Variants in VAT1L observed in about 807,000 individuals in gnomAD.
VAT1L encodes vesicle amine transport 1 like.
Under a neutral mutation model 44.1 loss-of-function variants are expected in VAT1L, and 34 were observed. That is an observed-to-expected ratio of 0.77 (90% CI 0.59 to 1.03). The LOEUF is 1.03. Ranked by LOEUF, VAT1L falls within the 50% of genes least tolerant of loss-of-function variation. The probability of loss-of-function intolerance (pLI) is 0.00; values close to 1 mark genes in which losing one functional copy is unlikely to be tolerated. For synonymous variants in VAT1L, 253 were observed against 202.2 expected, an observed-to-expected ratio of 1.25 and a Z score of -2.13; for missense variants, 615 against 538.8, an observed-to-expected ratio of 1.14 and a Z score of -1.40.
At chr16:77,833,505 C>A (rs953255726) in intron 3 of VAT1L, among the ~76,000 whole-genome samples, 10 of 151,686 alleles carry the variant, frequency 6.6e-5, no homozygotes, top group African/African-American at 2.4e-4. Flanking sequence ...GTAATCCCAA[C>A]ACTTTGGGAG....
Position 77,826,688 on chromosome 16 carries a change from G to C in VAT1L, c.579+1227G>C, listed in dbSNP as rs530548474. 2.6e-5 allele frequency among the ~76,000 whole-genome samples: 4 copies of C among 152,262 alleles called. No individual in the cohort carries two copies. The East Asian group carries it at 7.7e-4, about 29-fold the overall frequency. On this transcript the variant is annotated intron_variant, in intron 3 of 8. Transcript: ENST00000302536. Reference sequence around the variant, plus strand: ...CATGGCAAGCACTATGTCTGTCATTGGTCTACTGGGGTCTGGGTGGAACGT... The same window carrying C: ...CATGGCAAGCACTATGTCTGTCATTCGTCTACTGGGGTCTGGGTGGAACGT...
chr16:77,913,866 G>T (rs1009795104), intron 7 of VAT1L, among the ~76,000 whole-genome samples: 7 of 152,196 alleles, frequency 4.6e-5, no homozygotes, highest in Admixed American at 2.0e-4. Context: ...TAGGGGAGGT[G>T]AAAGAGCCAG....
At chr16:77,834,872 T>A (rs1323957959) in intron 3 of VAT1L, among the ~76,000 whole-genome samples, 2 of 152,194 alleles carry the variant, frequency 1.3e-5, no homozygotes, top group Non-Finnish European at 2.9e-5. Flanking sequence ...ACTTCTCAGT[T>A]TGCTCATTCA....
chr16:77,937,138 C>G (rs982471708), intron 7 of VAT1L, among the ~76,000 whole-genome samples: 1 of 152,160 alleles, frequency 6.6e-6, no homozygotes, highest in African/African-American at 2.4e-5. Context: ...ACCTCGGCCT[C>G]CCAAAGTGCT....
At chr16:77,964,817 G>T (rs1234362248) in intron 7 of VAT1L, among the ~76,000 whole-genome samples, 1 of 100,796 alleles carries the variant, frequency 9.9e-6, no homozygotes, top group Non-Finnish European at 1.9e-5. Flanking sequence ...TTTTTAGATG[G>T]AGTTTCGCCC....
At chr16:77,828,289 T>G (rs993251858) in intron 3 of VAT1L, among the ~76,000 whole-genome samples, 2 of 152,222 alleles carry the variant, frequency 1.3e-5, no homozygotes, top group Non-Finnish European at 2.9e-5. Context: ...TTTACAGGTA[T>G]GACTAAAGTA....
At chr16:77,838,520 A>G (rs1435319262) in intron 3 of VAT1L, among the ~76,000 whole-genome samples, 1 of 151,886 alleles carries the variant, frequency 6.6e-6, no homozygotes, top group Non-Finnish European at 1.5e-5. Context: ...CCTGCTCTCA[A>G]CATGCCTGGG....
intron 3 of VAT1L, among the ~76,000 whole-genome samples, chr16:77,851,340 A>G (rs1349352516): frequency 6.6e-6 from 1 of 152,196 alleles, no homozygotes; most frequent in Non-Finnish European, 1.5e-5. Context: ...GGAATGATAC[A>G]GTCTTTAGAG....
intron 7 of VAT1L, among the ~76,000 whole-genome samples, chr16:77,951,504 C>T (rs572557330): frequency 2.6e-5 from 4 of 152,266 alleles, no homozygotes; most frequent in Non-Finnish European, 2.9e-5. Context: ...CGAGATTGCG[C>T]CACCGCACTC....
intron 4 of VAT1L, among the ~76,000 whole-genome samples, chr16:77,870,585 T>A (rs543787705): frequency 2.0e-5 from 3 of 152,282 alleles, no homozygotes; most frequent in African/African-American, 7.2e-5. Context: ...AGGACAGACA[T>A]GAAGGTCTTG....
intron 7 of VAT1L, among the ~76,000 whole-genome samples, chr16:77,897,618 C>T (rs1392092130): frequency 1.3e-5 from 2 of 152,080 alleles, no homozygotes; most frequent in African/African-American, 2.4e-5. Flanking sequence ...TTACAGGCGA[C>T]GCCAGCCACC....
intron 7 of VAT1L, among the ~76,000 whole-genome samples, chr16:77,899,516 T>C (rs1029523637): frequency 2.0e-5 from 3 of 152,252 alleles, no homozygotes; most frequent in African/African-American, 7.2e-5. Context: ...AGCTGTAAAC[T>C]GCATGCTGTG....
intron 7 of VAT1L, among the ~76,000 whole-genome samples, chr16:77,931,297 T>TA (rs1359048672): frequency 6.6e-6 from 1 of 152,220 alleles, no homozygotes; most frequent in Non-Finnish European, 1.5e-5. Flanking sequence ...CTCTAGGCTT[T>TA]AACTGTATTA....
At chr16:77,800,161 C>T (rs934067187) in intron 1 of VAT1L, 2 of 152,158 alleles carry the variant, frequency 1.3e-5, no homozygotes, top group African/African-American at 4.8e-5. Flanking sequence ...TTTTACTTCT[C>T]CTTAACACAG....
At chr16:77,945,326 G>A (rs191669081) in intron 7 of VAT1L, among the ~76,000 whole-genome samples, 17 of 118,596 alleles carry the variant, frequency 1.4e-4, no homozygotes, top group African/African-American at 2.9e-4. Flanking sequence ...TCACTCTGTC[G>A]TTAATGCTGG....
At chr16:77,834,230 A>G (rs893682174) in intron 3 of VAT1L, among the ~76,000 whole-genome samples, 1 of 151,480 alleles carries the variant, frequency 6.6e-6, no homozygotes, top group African/African-American at 2.4e-5. Flanking sequence ...CTTTTCCTCT[A>G]TTTCTCCTTA....
chr16:77,932,973 C>T (rs1025433563), intron 7 of VAT1L, among the ~76,000 whole-genome samples: 1 of 152,178 alleles, frequency 6.6e-6, no homozygotes. Context: ...AATTCTCCCC[C>T]ACACATTTCA....
intron 3 of VAT1L, among the ~76,000 whole-genome samples, chr16:77,844,915 G>A (rs2016744074): frequency 6.6e-6 from 1 of 152,160 alleles, no homozygotes; most frequent in Admixed American, 6.6e-5. Flanking sequence ...CAGGCAGAGA[G>A]ACCTACTGCA....
intron 4 of VAT1L, among the ~76,000 whole-genome samples, chr16:77,873,223 T>G (rs2017050543): frequency 1.3e-5 from 2 of 152,206 alleles, no homozygotes; most frequent in African/African-American, 4.8e-5. Flanking sequence ...AAACTAGACC[T>G]AGAATTGAAT....
Sources: allele counts gnomAD v4.1 joint callset (sites outside exome capture counted in the v4.1 genomes callset), GRCh38; gene constraint gnomAD v4.1.1; transcripts MANE v1.5; gene names NCBI Gene and HGNC (gene_info 2026-07-23, HGNC 2026-07-21).